Variants in SND1 observed in about 807,000 individuals in gnomAD.
The protein encoded by SND1 is staphylococcal nuclease domain-containing protein 1.
Under a neutral mutation model 121.7 loss-of-function variants are expected in SND1, and 38 were observed. That is an observed-to-expected ratio of 0.31 (90% CI 0.24 to 0.41). The LOEUF is 0.41. SND1 is among the 10% of genes least tolerant of loss of function. SND1 has a pLI of 1.00. For synonymous variants in SND1, 401 were observed against 447.4 expected (o/e 0.90, Z 1.31); for missense variants, 868 against 1,184.6 (o/e 0.73, Z 3.92).
At chr7:127,769,599 A>G (rs1054078318) in intron 10 of SND1, among the ~76,000 whole-genome samples, 5 of 151,928 alleles carry the variant, frequency 3.3e-5, no homozygotes, top group African/African-American at 1.2e-4. Context: ...AGATCTGTTT[A>G]TTCCATGTAT....
chr7:127,670,798 C>T (rs1201588523), intron 1 of SND1, among the ~76,000 whole-genome samples: 3 of 150,784 alleles, frequency 2.0e-5, no homozygotes, highest in Non-Finnish European at 4.4e-5. Context: ...AGGCGTGAGC[C>T]ATTGCACTCA....
chr7:127,980,112 T>TAAAGTAAAGTTAGTGAGG (rs1563077434), intron 15 of SND1, among the ~76,000 whole-genome samples: 3 of 47,240 alleles, frequency 6.4e-5, no homozygotes, highest in South Asian at 5.4e-4. Flanking sequence ...TCTTTTTCTT[T>TAAAGTAAAGTTAGTGAGG]TTTTTTTTTT....
chr7:128,013,930 C>T (rs1007348540), intron 16 of SND1, among the ~76,000 whole-genome samples: 4 of 152,220 alleles, frequency 2.6e-5, no homozygotes, highest in Non-Finnish European at 4.4e-5. Flanking sequence ...GATATTCTTA[C>T]TACTTGCCTT....
intron 16 of SND1, among the ~76,000 whole-genome samples, chr7:128,014,429 T>C (rs1244341246): frequency 6.6e-6 from 1 of 152,230 alleles, no homozygotes; most frequent in Admixed American, 6.5e-5. Context: ...ACAGTGCTGA[T>C]AATACGAGCC....
intron 15 of SND1, among the ~76,000 whole-genome samples, chr7:127,946,387 C>T (rs971772265): frequency 3.3e-5 from 5 of 152,164 alleles, no homozygotes; most frequent in African/African-American, 1.2e-4. Context: ...CTAATGGGCC[C>T]TATGCAACCC....
chr7:128,085,058 G>T lies in SND1; in HGVS notation c.2234+211G>T, dbSNP rs1364174643. On this transcript the variant is annotated intron_variant, in intron 19 of 23. Transcript: ENST00000354725. The surrounding 1 kb of genome is among the most constrained non-coding windows in gnomAD (Gnocchi z 4.4). ...CCCTGCAGTCCAGCCAGACAGAAGTGGCTCCTTCCTTGTCTCCTGGGGGAT... is the reference window on the plus strand; with the variant it reads ...CCCTGCAGTCCAGCCAGACAGAAGTTGCTCCTTCCTTGTCTCCTGGGGGAT... 6.6e-6 allele frequency among the ~76,000 whole-genome samples: 1 copy of T among 152,190 alleles called. No homozygotes were observed. The highest frequency in any genetic ancestry group is 2.4e-5 in the African/African-American group (1 of 41,452).
intron 12 of SND1, among the ~76,000 whole-genome samples, chr7:127,883,466 AC>A (rs1202934149): frequency 6.6e-6 from 1 of 152,132 alleles, no homozygotes; most frequent in African/African-American, 2.4e-5. Context: ...TAATTTTGAA[AC>A]CACTTAAGCT....
intron 10 of SND1, among the ~76,000 whole-genome samples, chr7:127,786,570 T>A (rs1041272806): frequency 5.3e-5 from 8 of 152,142 alleles, no homozygotes; most frequent in Non-Finnish European, 8.8e-5. Flanking sequence ...TGGCTCTTGG[T>A]TTTCCTTATC....
At chr7:127,980,356 G>A (rs1182608029) in intron 15 of SND1, among the ~76,000 whole-genome samples, 1 of 17,240 alleles carries the variant, frequency 5.8e-5, no homozygotes, top group Non-Finnish European at 1.1e-4. Flanking sequence ...TCCTGACCTC[G>A]TGATCCGCCC....
chr7:128,024,324 G>A (rs75047875), intron 16 of SND1, among the ~76,000 whole-genome samples: 3 of 152,276 alleles, frequency 2.0e-5, no homozygotes, highest in East Asian at 3.9e-4. Flanking sequence ...TGCATTAGCC[G>A]ATGGCATGGA....
intron 11 of SND1, among the ~76,000 whole-genome samples, chr7:127,825,339 GACCACATGATCC>G (rs1458958190): frequency 6.6e-6 from 1 of 151,906 alleles, no homozygotes; most frequent in Non-Finnish European, 1.5e-5. Flanking sequence ...TCAATCTCCT[GACCACATGATCC>G]ACCTGCCTTG....
intron 16 of SND1, among the ~76,000 whole-genome samples, chr7:127,994,576 A>C (rs1359124749): frequency 1.5e-4 from 23 of 148,458 alleles, no homozygotes; most frequent in Non-Finnish European, 4.5e-5. Flanking sequence ...AAAAAAAAAA[A>C]AAAAAAAAAC....
chr7:127,997,875 AG>A, intron 16 of SND1: 1 of 534,780 alleles, frequency 1.9e-6, no homozygotes, highest in South Asian at 1.4e-5. Flanking sequence ...CTGTTCTGGA[AG>A]GTGCACCACC....
intron 14 of SND1, among the ~76,000 whole-genome samples, chr7:127,908,095 C>T (rs929923074): frequency 4.6e-5 from 7 of 152,014 alleles, no homozygotes; most frequent in Admixed American, 1.3e-4. Context: ...ATAAGATGGA[C>T]AGAACATCTG....
chr7:128,051,814 C>T lies in SND1; in HGVS notation c.1780-22688C>T, dbSNP rs565925820. The stretch of plus-strand genomic sequence containing the variant: ...ACTTACTGTTGCTAAGTGCTGTGCC[C>T]ATCCTTTGACGGAGCTTCTCTCGTT... On this transcript the variant is annotated intron_variant, in intron 16 of 23. Transcript: ENST00000354725. Among the ~76,000 whole-genome samples the T allele has an allele frequency of 3.3e-5, 5 of 152,322 alleles. No homozygotes were observed. The East Asian group carries it at 9.6e-4, about 29-fold the overall frequency.
intron 10 of SND1, among the ~76,000 whole-genome samples, chr7:127,731,485 G>C (rs1796675103): frequency 1.3e-5 from 2 of 152,202 alleles, no homozygotes; most frequent in Non-Finnish European, 2.9e-5. Context: ...CCTCACAGCT[G>C]CTTGAGCCAG....
At chr7:127,676,094 T>G (rs531647791) in intron 1 of SND1, among the ~76,000 whole-genome samples, 161 of 152,338 alleles carry the variant, frequency 1.1e-3, no homozygotes, top group African/African-American at 3.4e-3. Flanking sequence ...TGGCTCATGA[T>G]TCTCATATCA....
intron 12 of SND1, among the ~76,000 whole-genome samples, chr7:127,881,312 C>CTA (rs1799785088): frequency 6.6e-6 from 1 of 152,250 alleles, no homozygotes; most frequent in Middle Eastern, 3.4e-3. Context: ...TCCCTCCATG[C>CTA]TATGCACATT....
At chr7:128,074,737 T>G (rs993441237) in intron 17 of SND1, 47 bp downstream of exon 17, 2 of 1,523,672 alleles carry the variant, frequency 1.3e-6, no homozygotes, top group Admixed American at 1.9e-5. Flanking sequence ...CCCGTCCTCC[T>G]CACACACTAA....
Sources: allele counts gnomAD v4.1 joint callset (sites outside exome capture counted in the v4.1 genomes callset), GRCh38; gene constraint gnomAD v4.1.1; non-coding constraint Gnocchi (gnomAD v3.1); transcripts MANE v1.5; gene names NCBI Gene and HGNC (gene_info 2026-07-23, HGNC 2026-07-21).